The following GABBR2 variants were observed in gnomAD, a reference collection of about 807,000 sequenced individuals.
GABBR2 encodes gamma-aminobutyric acid type B receptor subunit 2, also known as G-protein coupled receptor 51.
GABBR2 carries 23 observed loss-of-function variants against 105.6 expected under a neutral mutation model. That is an observed-to-expected ratio of 0.22 (90% CI 0.16 to 0.31). The LOEUF (loss-of-function observed/expected upper bound fraction) is 0.31, where lower values mean the gene tolerates loss of function less well. GABBR2 is among the 10% of genes least tolerant of loss of function. GABBR2 has a pLI of 1.00. For synonymous variants in GABBR2, 478 were observed against 499.7 expected, an observed-to-expected ratio of 0.96 and a Z score of 0.58; for missense variants, 734 against 1,245.5, an observed-to-expected ratio of 0.59 and a Z score of 6.18.
chr9:98,313,660 G>A (rs1830669929), intron 13 of GABBR2, among the ~76,000 whole-genome samples: 1 of 152,162 alleles, frequency 6.6e-6, no homozygotes, highest in Non-Finnish European at 1.5e-5. Flanking sequence ...AAATAACTGT[G>A]TTCAGGATGT....
At chr9:98,699,987 CACTT>C (rs1318253544) in intron 1 of GABBR2, among the ~76,000 whole-genome samples, 1 of 152,198 alleles carries the variant, frequency 6.6e-6, no homozygotes, top group African/African-American at 2.4e-5. Flanking sequence ...GATAAGAAGT[CACTT>C]ACATTTTACT....
chr9:98,323,354 A>C (rs1050551953), intron 13 of GABBR2, among the ~76,000 whole-genome samples: 1 of 152,208 alleles, frequency 6.6e-6, no homozygotes, highest in Non-Finnish European at 1.5e-5. Flanking sequence ...GTGTGCTGTG[A>C]TGTGAAAGAG....
chr9:98,599,855 G>A (rs960162120), intron 1 of GABBR2, among the ~76,000 whole-genome samples: 1 of 152,202 alleles, frequency 6.6e-6, no homozygotes, highest in African/African-American at 2.4e-5. Flanking sequence ...GAGAGATGGG[G>A]GTGGGTACAA....
intron 1 of GABBR2, among the ~76,000 whole-genome samples, chr9:98,578,659 C>T (rs1236453408): frequency 1.3e-5 from 2 of 152,090 alleles, no homozygotes; most frequent in Non-Finnish European, 2.9e-5. Context: ...AGTTGTACAC[C>T]CATGTTCATA....
In GABBR2 at chr9:98,464,642, G is replaced by A. The variant is rs549645469; in HGVS notation, c.999+8504C>T. On this transcript the variant is annotated intron_variant, in intron 6 of 18. Transcript: ENST00000259455. ...GAAGAGACAGCGACCATCGAGAATG[G>A]GCCATGATGACGATGGCAGTTTTGT... is the stretch of plus-strand genomic sequence containing the variant. Among the ~76,000 whole-genome samples the A allele has an allele frequency of 2.0e-5, 3 of 152,262 alleles. No individual in the cohort carries two copies. In the East Asian group the frequency reaches 5.8e-4, roughly 29 times the overall value.
At chr9:98,506,615 A>C (rs1365952262) in intron 3 of GABBR2, among the ~76,000 whole-genome samples, 1 of 152,180 alleles carries the variant, frequency 6.6e-6, no homozygotes, top group African/African-American at 2.4e-5. Flanking sequence ...TGAAGGAAGA[A>C]ATCTGGGGAG....
chr9:98,396,926 C>T (rs918012823), intron 8 of GABBR2, among the ~76,000 whole-genome samples: 2 of 152,176 alleles, frequency 1.3e-5, no homozygotes, highest in Non-Finnish European at 2.9e-5. Context: ...GTTGGAGGCT[C>T]ACAGGCGCTT....
intron 13 of GABBR2, among the ~76,000 whole-genome samples, chr9:98,330,950 C>T (rs1239084349): frequency 4.6e-5 from 7 of 152,164 alleles, no homozygotes; most frequent in Non-Finnish European, 8.8e-5. Context: ...TAGTTTCTGT[C>T]TCTGTGGATT....
In GABBR2 at chr9:98,454,596, A is replaced by G. The variant is rs1826293511; in HGVS notation, c.1000-379T>C. 6.6e-6 allele frequency among the ~76,000 whole-genome samples: 1 copy of G among 152,150 alleles called. No individual in the cohort carries two copies. Among genetic ancestry groups the G allele is most frequent in the South Asian group, 2.1e-4 (1 of 4,812 alleles). On this transcript the variant is annotated intron_variant, in intron 6 of 18. Transcript: ENST00000259455. This position sits in a 1 kb window ranked among gnomAD's most constrained non-coding sequence, Gnocchi z 4.6. ...CCCATATCCCGTATGTCTAAATGTT[A>G]AAGTTATAGCATATGAACAAACTGT...
In GABBR2 at chr9:98,481,001, T is replaced by G; in HGVS notation, c.733-4A>C. 1 of 1,587,030 alleles carries G rather than the reference T, an allele frequency of 6.3e-7. No individual in the cohort carries two copies. Among genetic ancestry groups the G allele is most frequent in the Non-Finnish European group, 8.7e-7 (1 of 1,155,370 alleles). On this transcript the variant is annotated splice_region_variant and splice_polypyrimidine_tract_variant and intron_variant, in intron 4 of 18. Coordinates refer to ENST00000259455, the MANE Select transcript of GABBR2 (RefSeq NM_005458.8). ...GGATGATCCGCACATCATTCCCCTG[T>G]GGATGGAAGGACACATCATGAAGGT...
intron 13 of GABBR2, among the ~76,000 whole-genome samples, chr9:98,322,501 G>A (rs936286255): frequency 6.6e-5 from 10 of 151,862 alleles, no homozygotes; most frequent in Non-Finnish European, 1.5e-4. Flanking sequence ...GTGATCATCC[G>A]CGCCGTGCTA....
At chr9:98,605,974 T>C (rs1225202469) in intron 1 of GABBR2, among the ~76,000 whole-genome samples, 1 of 152,044 alleles carries the variant, frequency 6.6e-6, no homozygotes, top group East Asian at 1.9e-4. Flanking sequence ...CCTTCCTGTG[T>C]CCAAGCATTC....
intron 3 of GABBR2, among the ~76,000 whole-genome samples, chr9:98,518,498 A>G (rs1827804539): frequency 6.6e-6 from 1 of 152,100 alleles, no homozygotes; most frequent in Non-Finnish European, 1.5e-5. Flanking sequence ...TTTAAGCCCT[A>G]TGGTAAATAG....
chr9:98,661,071 A>G (rs1345278383), intron 1 of GABBR2, among the ~76,000 whole-genome samples: 1 of 151,996 alleles, frequency 6.6e-6, no homozygotes, highest in African/African-American at 2.4e-5. Flanking sequence ...ACACCCAGAT[A>G]ATTCTTTTTG....
intron 7 of GABBR2, among the ~76,000 whole-genome samples, chr9:98,414,816 C>T (rs1467403304): frequency 6.6e-6 from 1 of 152,140 alleles, no homozygotes; most frequent in Non-Finnish European, 1.5e-5. Flanking sequence ...CCTGATCCTT[C>T]ATGCTTCCCC....
At chr9:98,393,439 C>A (rs1208763164) in intron 9 of GABBR2, among the ~76,000 whole-genome samples, 2 of 151,664 alleles carry the variant, frequency 1.3e-5, no homozygotes, top group African/African-American at 4.9e-5. Flanking sequence ...ATCCATCCAT[C>A]CATCCACACA....
intron 13 of GABBR2, among the ~76,000 whole-genome samples, chr9:98,348,563 G>A (rs941056647): frequency 9.9e-5 from 15 of 152,106 alleles, no homozygotes; most frequent in South Asian, 2.1e-4. Flanking sequence ...TCTAATCCCC[G>A]AACATGAGAT....
chr9:98,417,294 G>T (rs1448858346), intron 7 of GABBR2, among the ~76,000 whole-genome samples: 1 of 152,164 alleles, frequency 6.6e-6, no homozygotes, highest in Admixed American at 6.5e-5. Flanking sequence ...AGCTCCCCAG[G>T]GTAAGAGGAC....
At position 98,311,171 on chromosome 9, in the gene GABBR2, G is replaced by A; in HGVS notation, c.1928C>T (p.Pro643Leu). 6.2e-7 allele frequency: 1 copy of A among 1,613,682 alleles called. No individual in the cohort carries two copies. The highest frequency in any genetic ancestry group is 8.5e-7 in the Non-Finnish European group (1 of 1,179,564). The change falls in exon 14 of 19, where the codon CCT (proline) becomes CTT (leucine). Residue 643 changes from proline to leucine, a missense_variant. Physicochemically the swap from Pro to Leu is moderately conservative, Grantham distance 98. Around this residue, in one of 7 missense-constraint regions of GABBR2, gnomAD observed 52 missense variants for 81.3 expected, o/e 0.64. Coordinates refer to ENST00000259455, the MANE Select transcript of GABBR2 (RefSeq NM_005458.8). ...DPAGRDISIR[P>L]LLEHCENTHM... ...GGTGTTCTCACAGTGCTCCAGGAGAGGGCGGATGGAGATATCCCGTCCTGC... is the reference window on the plus strand; with the variant it reads ...GGTGTTCTCACAGTGCTCCAGGAGAAGGCGGATGGAGATATCCCGTCCTGC...
Sources: allele counts gnomAD v4.1 joint callset (sites outside exome capture counted in the v4.1 genomes callset), GRCh38; gene constraint gnomAD v4.1.1; regional missense constraint gnomAD v4.1.1; non-coding constraint Gnocchi (gnomAD v3.1); transcripts MANE v1.5; gene names NCBI Gene and HGNC (gene_info 2026-07-23, HGNC 2026-07-21).